ANO3: variants seen among roughly 807,000 people sequenced by gnomAD.
The protein encoded by ANO3 is anoctamin-3.
Under a neutral mutation model 144.8 loss-of-function variants are expected in ANO3, and 99 were observed. That is an observed-to-expected ratio of 0.68 (90% CI 0.58 to 0.81). ANO3 has a LOEUF of 0.81. Ranked by LOEUF, ANO3 falls within the 30% of genes least tolerant of loss-of-function variation. The probability of loss-of-function intolerance (pLI) is 0.00; values close to 1 mark genes in which losing one functional copy is unlikely to be tolerated. For synonymous variants in ANO3, 414 were observed against 392.6 expected, an observed-to-expected ratio of 1.05 and a Z score of -0.64; for missense variants, 905 against 1,202.2, an observed-to-expected ratio of 0.75 and a Z score of 3.66.
intron 1 of ANO3, among the ~76,000 whole-genome samples, chr11:26,279,555 G>A (rs564170669): frequency 1.3e-5 from 2 of 152,254 alleles, no homozygotes; most frequent in East Asian, 1.9e-4. Context: ...GCAAAGAAGA[G>A]TACAAATAGT....
At chr11:26,653,467 C>G (rs1342656223) in intron 24 of ANO3, among the ~76,000 whole-genome samples, 1 of 152,114 alleles carries the variant, frequency 6.6e-6, no homozygotes, top group African/African-American at 2.4e-5. Context: ...CATCTCTCAC[C>G]TGGATCCTTG....
At chr11:26,230,768 G>GCCT (rs1852374253) in intron 1 of ANO3, among the ~76,000 whole-genome samples, 1 of 111,766 alleles carries the variant, frequency 8.9e-6, no homozygotes, top group Non-Finnish European at 1.7e-5. Context: ...CTGCACTCCA[G>GCCT]CCTGGGTGAC....
intron 14 of ANO3, among the ~76,000 whole-genome samples, chr11:26,596,944 C>T (rs976505677): frequency 6.6e-6 from 1 of 152,166 alleles, no homozygotes; most frequent in African/African-American, 2.4e-5. Flanking sequence ...GAACAAAGCT[C>T]CCAACACAGA....
chr11:26,551,738 G>T (rs960880187), intron 12 of ANO3, among the ~76,000 whole-genome samples: 2 of 151,880 alleles, frequency 1.3e-5, no homozygotes, highest in African/African-American at 4.8e-5. Flanking sequence ...TTCAAGAAGT[G>T]TGTTAATAGT....
chr11:26,333,219 A>T (rs1460586831), intron 1 of ANO3, among the ~76,000 whole-genome samples: 3 of 151,902 alleles, frequency 2.0e-5, no homozygotes, highest in African/African-American at 4.8e-5. Flanking sequence ...AAATATTCTC[A>T]TCCCCACCCT....
chr11:26,494,150 AAAC>A (rs1157936990), intron 4 of ANO3, among the ~76,000 whole-genome samples: 1 of 151,750 alleles, frequency 6.6e-6, no homozygotes, highest in Admixed American at 6.6e-5. Context: ...TAATCTAAAG[AAAC>A]AATATTAAAG....
intron 1 of ANO3, among the ~76,000 whole-genome samples, chr11:26,318,119 G>T (rs910784424): frequency 3.9e-5 from 6 of 152,128 alleles, no homozygotes; most frequent in African/African-American, 9.7e-5. Context: ...GGAGTTGGGG[G>T]CTAGGGGAGG....
At chr11:26,195,820 T>C (rs1851575901) in intron 1 of ANO3, among the ~76,000 whole-genome samples, 1 of 152,214 alleles carries the variant, frequency 6.6e-6, no homozygotes, top group South Asian at 2.1e-4. Context: ...CAGGAGATTT[T>C]AGAACTTGTG....
chr11:26,316,037 G>A (rs1413266112), intron 1 of ANO3, among the ~76,000 whole-genome samples: 3 of 152,152 alleles, frequency 2.0e-5, no homozygotes, highest in African/African-American at 7.2e-5. Context: ...ATAGGAAATA[G>A]AATTATCTCC....
rs535766251 is a variant in ANO3, at chr11:26,370,265, C to T, written c.46+37944C>T. Among the ~76,000 whole-genome samples, 26 of 152,256 alleles carry T rather than the reference C, an allele frequency of 1.7e-4. 1 individual carries two copies. Among genetic ancestry groups the T allele is most frequent in the South Asian group, 1.0e-3 (5 of 4,822 alleles). On this transcript the variant is annotated intron_variant, in intron 1 of 26. Transcript: ENST00000256737. ...TGGTTTTATATGGGGCTTTCGCCTT[C>T]GCTCAGCTCTCATTAATCTTTTTCC... is the stretch of plus-strand genomic sequence containing the variant.
intron 1 of ANO3, among the ~76,000 whole-genome samples, chr11:26,418,926 C>G (rs1036019013): frequency 6.6e-6 from 1 of 152,138 alleles, no homozygotes; most frequent in Non-Finnish European, 1.5e-5. Flanking sequence ...GGGTGGGGCT[C>G]TAACCCATGG....
At chr11:26,593,933 G>A (rs1190692704) in intron 14 of ANO3, among the ~76,000 whole-genome samples, 7 of 152,046 alleles carry the variant, frequency 4.6e-5, no homozygotes, top group Admixed American at 4.6e-4. Flanking sequence ...GTTAAATAGG[G>A]TTTCTAAGTT....
At chr11:26,617,066 C>G (rs760840083) in intron 17 of ANO3, among the ~76,000 whole-genome samples, 6 of 152,130 alleles carry the variant, frequency 3.9e-5, no homozygotes, top group South Asian at 4.1e-4. Context: ...CCACCGTGCC[C>G]GGCCCAAAAT....
At chr11:26,195,705 C>A (rs1851573436) in intron 1 of ANO3, among the ~76,000 whole-genome samples, 2 of 152,256 alleles carry the variant, frequency 1.3e-5, no homozygotes, top group Middle Eastern at 6.8e-3. Flanking sequence ...TTCTCTATAT[C>A]CTGAATTGTT....
intron 1 of ANO3, among the ~76,000 whole-genome samples, chr11:26,366,135 C>G (rs554824383): frequency 3.3e-5 from 5 of 151,858 alleles, no homozygotes; most frequent in Middle Eastern, 3.4e-3. Flanking sequence ...CTAATGCTAT[C>G]CCTCCCACCT....
intron 26 of ANO3, among the ~76,000 whole-genome samples, chr11:26,658,497 C>G (rs1853769086): frequency 1.4e-5 from 1 of 71,184 alleles, no homozygotes; most frequent in Non-Finnish European, 4.1e-5. Flanking sequence ...GTAATCCCAG[C>G]TACTCAGGAG....
At chr11:26,266,856 C>A (rs1034526154) in intron 1 of ANO3, among the ~76,000 whole-genome samples, 7 of 150,968 alleles carry the variant, frequency 4.6e-5, no homozygotes, top group Admixed American at 1.3e-4. Context: ...CCGAGGCGGG[C>A]GGATCACGAG....
chr11:26,480,541 C>A (rs1565050757), intron 4 of ANO3, among the ~76,000 whole-genome samples: 1 of 152,122 alleles, frequency 6.6e-6, no homozygotes, highest in Non-Finnish European at 1.5e-5. Flanking sequence ...AGGCCGGGCA[C>A]TCATGCCTGT....
chr11:26,236,268 G>A (rs969265885), intron 1 of ANO3, among the ~76,000 whole-genome samples: 3 of 152,112 alleles, frequency 2.0e-5, no homozygotes, highest in African/African-American at 7.2e-5. Context: ...TAGAACTGAA[G>A]TTGTTGGATC....
Sources: allele counts gnomAD v4.1 joint callset (sites outside exome capture counted in the v4.1 genomes callset), GRCh38; gene constraint gnomAD v4.1.1; transcripts MANE v1.5; gene names NCBI Gene and HGNC (gene_info 2026-07-23, HGNC 2026-07-21).